Variants in CNTNAP2 observed in about 807,000 individuals in gnomAD.
CNTNAP2 encodes the protein contactin-associated protein-like 2.
In CNTNAP2, 98 loss-of-function variants were observed where a neutral mutation model predicts 155.2. The ratio of observed to expected loss-of-function variants is 0.63; its 90% CI spans 0.54 to 0.75. CNTNAP2 has a LOEUF of 0.75. CNTNAP2 is among the 30% of genes least tolerant of loss of function. CNTNAP2 has a pLI of 0.00. For missense variants in CNTNAP2, 1,727 were observed against 1,688.1 expected (o/e 1.02, Z -0.40); for synonymous variants, 651 against 631.2 (o/e 1.03, Z -0.47).
At chr7:146,571,157 T>C (rs1056863805) in intron 1 of CNTNAP2, among the ~76,000 whole-genome samples, 5 of 152,116 alleles carry the variant, frequency 3.3e-5, no homozygotes, top group African/African-American at 1.2e-4. Context: ...GACTTTTTAG[T>C]TAAGTGTCTG....
intron 4 of CNTNAP2, among the ~76,000 whole-genome samples, chr7:147,095,043 A>T (rs1471872030): frequency 6.6e-6 from 1 of 151,874 alleles, no homozygotes; most frequent in Non-Finnish European, 1.5e-5. Context: ...TTTTAGAGAC[A>T]GAGTCTTGCT....
intron 11 of CNTNAP2, among the ~76,000 whole-genome samples, chr7:147,550,260 C>T (rs923306054): frequency 6.6e-6 from 1 of 152,074 alleles, no homozygotes; most frequent in Non-Finnish European, 1.5e-5. Context: ...CCAAATCTCA[C>T]CTTAAATTGT....
chr7:146,612,203 T>A (rs1013323676), intron 1 of CNTNAP2, among the ~76,000 whole-genome samples: 1 of 147,166 alleles, frequency 6.8e-6, no homozygotes, highest in Non-Finnish European at 1.5e-5. Context: ...ATAAAAATAG[T>A]TATTACTGTT....
At chr7:147,451,079 T>C (rs1797824920) in intron 10 of CNTNAP2, among the ~76,000 whole-genome samples, 1 of 152,218 alleles carries the variant, frequency 6.6e-6, no homozygotes, top group East Asian at 1.9e-4. Context: ...TCTTCCACTA[T>C]CTACCAACGT....
At chr7:146,500,021 G>A (rs1314134872) in intron 1 of CNTNAP2, among the ~76,000 whole-genome samples, 1 of 151,976 alleles carries the variant, frequency 6.6e-6, no homozygotes, top group Non-Finnish European at 1.5e-5. Flanking sequence ...TTTTCAGATT[G>A]TTTATTGCTA....
chr7:147,682,377 A>G (rs1311104641), intron 13 of CNTNAP2, among the ~76,000 whole-genome samples: 1 of 151,960 alleles, frequency 6.6e-6, no homozygotes, highest in Non-Finnish European at 1.5e-5. Flanking sequence ...ATAATTGGGG[A>G]ATAACAGATT....
chr7:146,776,682 T>C (rs990412731), intron 2 of CNTNAP2, among the ~76,000 whole-genome samples: 4 of 152,134 alleles, frequency 2.6e-5, no homozygotes, highest in African/African-American at 7.2e-5. Flanking sequence ...CTGCCTTTGG[T>C]TTTTTAATGG....
rs572937380 is a variant in CNTNAP2 at position 147,150,243 on chromosome 7, G to T, written c.1348+17734G>T. ...GAACAGATAAACAGAGAAGAGGAAA[G>T]AATTCCAAGCCAAGCCTCCAGGAGC... On this transcript the variant is annotated intron_variant, in intron 8 of 23. Coordinates refer to ENST00000361727, the MANE Select transcript of CNTNAP2 (RefSeq NM_014141.6). 5.3e-5 allele frequency among the ~76,000 whole-genome samples: 8 copies of T among 152,194 alleles called. No individual in the cohort carries two copies. The East Asian group carries it at 1.5e-3, about 29-fold the overall frequency.
Position 146,903,676 on chromosome 7 carries a change from T to C in CNTNAP2, c.402+63772T>C, listed in dbSNP as rs150814555. 3.7e-3 allele frequency among the ~76,000 whole-genome samples: 559 copies of C among 152,112 alleles called. 3 individuals are homozygous for C. Among genetic ancestry groups the C allele is most frequent in the African/African-American group, 0.013 (525 of 41,468 alleles). On this transcript the variant is annotated intron_variant, in intron 3 of 23. Coordinates refer to ENST00000361727, the MANE Select transcript of CNTNAP2 (RefSeq NM_014141.6). ...AAGGAATCAGCGGATCTCACAGACC[T>C]AGAGAGGAGAAAGGTGGTCACCAGA...
At chr7:148,288,038 C>G (rs1413579644) in intron 21 of CNTNAP2, among the ~76,000 whole-genome samples, 1 of 151,710 alleles carries the variant, frequency 6.6e-6, no homozygotes, top group African/African-American at 2.4e-5. Flanking sequence ...GATCGGCCCG[C>G]CTTGGCCCCC....
intron 16 of CNTNAP2, among the ~76,000 whole-genome samples, chr7:148,141,162 TA>T (rs772873472): frequency 6.6e-6 from 1 of 152,222 alleles, no homozygotes; most frequent in Non-Finnish European, 1.5e-5. Flanking sequence ...GTTTTTTATG[TA>T]GGCCAAAACT....
chr7:147,409,796 A>G (rs1273944066), intron 10 of CNTNAP2, among the ~76,000 whole-genome samples: 1 of 152,178 alleles, frequency 6.6e-6, no homozygotes, highest in Non-Finnish European at 1.5e-5. Flanking sequence ...CATGAAAAAA[A>G]AAAAAACCTC....
chr7:147,013,220 A>G (rs1798658442), intron 3 of CNTNAP2, among the ~76,000 whole-genome samples: 1 of 152,112 alleles, frequency 6.6e-6, no homozygotes, highest in African/African-American at 2.4e-5. Flanking sequence ...TTTTGACAGA[A>G]CGGGTCAACC....
At chr7:148,254,247 T>C (rs886594673) in intron 20 of CNTNAP2, among the ~76,000 whole-genome samples, 4 of 152,088 alleles carry the variant, frequency 2.6e-5, no homozygotes, top group Admixed American at 2.6e-4. Flanking sequence ...GCTAATACAG[T>C]TATCCTGGTC....
At chr7:147,742,220 A>C (rs1279800204) in intron 13 of CNTNAP2, among the ~76,000 whole-genome samples, 1 of 152,240 alleles carries the variant, frequency 6.6e-6, no homozygotes, top group Non-Finnish European at 1.5e-5. Flanking sequence ...AACCATATCA[A>C]TGGCAAAACC....
intron 12 of CNTNAP2, among the ~76,000 whole-genome samples, chr7:147,628,620 C>T (rs942856949): frequency 2.0e-5 from 3 of 152,154 alleles, no homozygotes; most frequent in African/African-American, 4.8e-5. Context: ...CAGTACCTCA[C>T]ATCTCACTGC....
chr7:147,399,916 G>A (rs182619028), intron 10 of CNTNAP2, among the ~76,000 whole-genome samples: 1 of 152,282 alleles, frequency 6.6e-6, no homozygotes. Flanking sequence ...TCTGCTCTTA[G>A]AGAGGAGGAT....
intron 1 of CNTNAP2, among the ~76,000 whole-genome samples, chr7:146,174,779 G>A (rs1379596933): frequency 6.6e-6 from 1 of 152,066 alleles, no homozygotes; most frequent in Non-Finnish European, 1.5e-5. Flanking sequence ...GGAGGCGGAG[G>A]TTGCAGTGAG....
chr7:146,535,018 G>A (rs1043540446), intron 1 of CNTNAP2, among the ~76,000 whole-genome samples: 2 of 121,152 alleles, frequency 1.7e-5, no homozygotes, highest in African/African-American at 6.3e-5. Context: ...GGCGTGCCAT[G>A]TCCATCTTTT....
Sources: allele counts gnomAD v4.1 joint callset (sites outside exome capture counted in the v4.1 genomes callset), GRCh38; gene constraint gnomAD v4.1.1; transcripts MANE v1.5; gene names NCBI Gene and HGNC (gene_info 2026-07-23, HGNC 2026-07-21).